Variants in HTR3B observed in about 807,000 individuals in gnomAD.
HTR3B encodes 5-hydroxytryptamine receptor 3B.
Under a neutral mutation model 42.8 loss-of-function variants are expected in HTR3B, and 44 were observed. That is an observed-to-expected ratio of 1.03 (90% CI 0.81 to 1.32). The LOEUF (loss-of-function observed/expected upper bound fraction) is 1.32. Ranked by LOEUF, HTR3B falls within the 40% of genes most tolerant of loss-of-function variation. HTR3B has a pLI of 0.00. For synonymous variants in HTR3B, 203 were observed against 209.0 expected (o/e 0.97, Z 0.25); for missense variants, 527 against 536.5 (o/e 0.98, Z 0.17).
At chr11:113,904,483 A>G (rs1330656128), upstream of HTR3B, among the ~76,000 whole-genome samples, 3 of 152,238 alleles carry the variant, frequency 2.0e-5, no homozygotes, top group Non-Finnish European at 4.4e-5. Context: ...GTTACTGCAT[A>G]AGTCTGATTT....
At chr11:113,910,776 G>A (rs762440118) in intron 2 of HTR3B, among the ~76,000 whole-genome samples, 9 of 149,628 alleles carry the variant, frequency 6.0e-5, no homozygotes, top group Non-Finnish European at 7.4e-5. Context: ...AGCTCGTTTT[G>A]TTAAAGTAAT....
intron 2 of HTR3B, among the ~76,000 whole-genome samples, chr11:113,916,339 A>G (rs1400141006): frequency 3.9e-5 from 6 of 152,070 alleles, no homozygotes; most frequent in African/African-American, 1.2e-4. Context: ...TTATTTTATT[A>G]TCAGGTTACA....
Position 113,942,218 on chromosome 11 carries a change from GT to G in HTR3B, c.697-763del, listed in dbSNP as rs369913402. Among the ~76,000 whole-genome samples, 440 of 152,298 alleles carry G rather than the reference GT, an allele frequency of 2.9e-3. 5 individuals carry two copies. Among genetic ancestry groups the G allele is most frequent in the African/African-American group, 9.5e-3 (393 of 41,568 alleles). ...AACCCCATCTCTAGCAGAGCTTGCA[GT>G]GAGCCGAGGTCGCACCACTGCACTC... On this transcript the variant is annotated intron_variant, in intron 6 of 8. Coordinates refer to ENST00000260191, the MANE Select transcript of HTR3B (RefSeq NM_006028.5).
At chr11:113,935,397 G>A (rs948361734) in intron 6 of HTR3B, among the ~76,000 whole-genome samples, 2 of 126,996 alleles carry the variant, frequency 1.6e-5, no homozygotes, top group Non-Finnish European at 3.7e-5. Flanking sequence ...ATCTAGCAGG[G>A]CTGGCCTCTG....
intron 1 of HTR3B, 61 bp from the exon 2 acceptor site, chr11:113,909,234 A>G: frequency 2.2e-6 from 3 of 1,347,234 alleles, no homozygotes; most frequent in South Asian, 2.3e-5. Context: ...ACAGTCTGAA[A>G]CCTCCTAAAG....
intron 1 of HTR3B, among the ~76,000 whole-genome samples, chr11:113,907,497 G>T (rs1949742645): frequency 6.6e-6 from 1 of 151,974 alleles, no homozygotes; most frequent in Admixed American, 6.6e-5. Context: ...TTCCCCTTTT[G>T]GTTTATTTAA....
chr11:113,927,568 CT>C (rs887217222), intron 2 of HTR3B, among the ~76,000 whole-genome samples: 209 of 144,046 alleles, frequency 1.5e-3, no homozygotes, highest in East Asian at 1.4e-3. Context: ...TTTTTCTTTC[CT>C]TTTTTTTTTT....
At chr11:113,915,326 TTTC>T (rs1236617170) in intron 2 of HTR3B, among the ~76,000 whole-genome samples, 2 of 152,154 alleles carry the variant, frequency 1.3e-5, no homozygotes, top group African/African-American at 4.8e-5. Flanking sequence ...ACATATTTCT[TTTC>T]TTCTACTTAC....
rs1950188906 is a variant in HTR3B at position 113,947,471 on chromosome 11, T to TTTC, written c.*1336_*1338dup. Among the ~76,000 whole-genome samples, 1 of 152,168 alleles carries TTTC rather than the reference T, an allele frequency of 6.6e-6. No individual in the cohort carries two copies. Among genetic ancestry groups the TTTC allele is most frequent in the Non-Finnish European group, 1.5e-5 (1 of 68,024 alleles). Reference sequence around the variant, plus strand: ...CTAAGTTGCTTTAAGAGAGATTTATTTTCTCACCAGTCTGGAAGCTAGAAG... The same window carrying TTTC: ...CTAAGTTGCTTTAAGAGAGATTTATTTTCTTCTCACCAGTCTGGAAGCTAGAAG... On this transcript the variant is annotated 3_prime_UTR_variant, in exon 9 of 9. Transcript: ENST00000260191.
chr11:113,945,340 G>C (rs1334509825), intron 8 of HTR3B, among the ~76,000 whole-genome samples: 1 of 152,098 alleles, frequency 6.6e-6, no homozygotes, highest in Non-Finnish European at 1.5e-5. Context: ...TCACCATGTT[G>C]GCCAGGCTGG....
chr11:113,937,807 G>T (rs528260940), intron 6 of HTR3B, among the ~76,000 whole-genome samples: 11 of 152,376 alleles, frequency 7.2e-5, no homozygotes, highest in African/African-American at 2.6e-4. Flanking sequence ...CAGGTCGCGT[G>T]TATTAGTGTC....
chr11:113,940,028 A>C (rs1950121820), intron 6 of HTR3B, among the ~76,000 whole-genome samples: 1 of 152,068 alleles, frequency 6.6e-6, no homozygotes, highest in Non-Finnish European at 1.5e-5. Flanking sequence ...CTGGGACTAC[A>C]GGCACATGCC....
At chr11:113,906,655 C>A (rs537641908) in intron 1 of HTR3B, among the ~76,000 whole-genome samples, 1 of 152,292 alleles carries the variant, frequency 6.6e-6, no homozygotes, top group East Asian at 1.9e-4. Flanking sequence ...TACACTTAAT[C>A]ATGTAGCGTC....
intron 2 of HTR3B, among the ~76,000 whole-genome samples, chr11:113,931,065 G>A (rs1013733446): frequency 6.6e-6 from 1 of 152,072 alleles, no homozygotes; most frequent in Non-Finnish European, 1.5e-5. Context: ...AAATTACTAA[G>A]ACAACGTAAC....
rs1158358354 is a variant in HTR3B at position 113,942,995 on chromosome 11, G to A, written c.710G>A (p.Arg237Lys). 2.2e-5 allele frequency: 36 copies of A among 1,613,872 alleles called. No individual in the cohort carries two copies. Among genetic ancestry groups the A allele is most frequent in the Non-Finnish European group, 2.7e-5 (32 of 1,179,962 alleles). Residue 237 changes from arginine (R) to lysine (K), a missense_variant, in exon 7 of 9, where the codon AGG (arginine) becomes AAG (lysine). Physicochemically the swap from Arg to Lys is conservative, Grantham distance 26. Coordinates refer to ENST00000260191, the MANE Select transcript of HTR3B (RefSeq NM_006028.5). ...GTTCCCGGCCAGGTGGTGATGCGCAGGCACCCCCTGGTCTATGTCGTGAGT... is the reference window on the plus strand; with the variant it reads ...GTTCCCGGCCAGGTGGTGATGCGCAAGCACCCCCTGGTCTATGTCGTGAGT... ...AQIQFNVVMR[R>K]HPLVYVVSLL...
rs1279629200 is a variant in HTR3B, at chr11:113,949,058, T to A, written c.*2921T>A. On this transcript the variant is annotated 3_prime_UTR_variant, in exon 9 of 9. Transcript: ENST00000260191. ...TAAATAATGCATCACAAAATAAAGA[T>A]AAGACCTGCTTGCTATCAACAGATG... Among the ~76,000 whole-genome samples, 1 of 152,220 alleles carries A rather than the reference T, an allele frequency of 6.6e-6. No individual in the cohort carries two copies. Among genetic ancestry groups the A allele is most frequent in the African/African-American group, 2.4e-5 (1 of 41,458 alleles).
rs546533738 is a variant in HTR3B at position 113,948,759 on chromosome 11, G to C, written c.*2622G>C. Among the ~76,000 whole-genome samples, 2 of 152,128 alleles carry C rather than the reference G, an allele frequency of 1.3e-5. No homozygotes were observed. The highest frequency in any genetic ancestry group is 4.2e-4 in the South Asian group (2 of 4,816). On this transcript the variant is annotated 3_prime_UTR_variant, in exon 9 of 9. Transcript: ENST00000260191. ...ATGCCTGTAATCCCACCTACTCGGGGGGCTGAGGCAGGAGAATCGCTTGAA... is the reference window on the plus strand; with the variant it reads ...ATGCCTGTAATCCCACCTACTCGGGCGGCTGAGGCAGGAGAATCGCTTGAA...
At chr11:113,938,909 C>T (rs372789871) in intron 6 of HTR3B, among the ~76,000 whole-genome samples, 30 of 152,086 alleles carry the variant, frequency 2.0e-4, no homozygotes, top group Middle Eastern at 3.4e-3. Flanking sequence ...GCAGGAGAAT[C>T]GCTTGAACCT....
At chr11:113,944,898 A>G (rs544516130) in intron 8 of HTR3B, 143 bp downstream of exon 8, 3 of 672,076 alleles carry the variant, frequency 4.5e-6, no homozygotes, top group African/African-American at 1.8e-5. Flanking sequence ...GGCATTTTAT[A>G]TTATCTCTCT....
Sources: gnomAD v4.1 joint callset for allele counts (sites outside exome capture counted in the v4.1 genomes callset) on GRCh38, gnomAD v4.1.1 for gene constraint, MANE v1.5 for transcripts, NCBI Gene and HGNC (gene_info 2026-07-23, HGNC 2026-07-21) for gene names.